Variants in ZBTB20 observed in about 807,000 individuals in gnomAD.
ZBTB20 encodes the protein zinc finger and BTB domain-containing protein 20.
A neutral mutation model predicts 56.9 loss-of-function variants in ZBTB20; 9 were observed. That is an observed-to-expected ratio of 0.16 (90% confidence interval 0.10 to 0.28). The LOEUF (loss-of-function observed/expected upper bound fraction) is 0.28, where lower values mean the gene tolerates loss of function less well. Among genes scored for constraint, ZBTB20 ranks in the 10% least tolerant of loss-of-function variants. The pLI, the probability that ZBTB20 is intolerant of heterozygous loss-of-function variation, is 1.00. For missense variants in ZBTB20, 655 were observed against 1,003.0 expected, an observed-to-expected ratio of 0.65 and a Z score of 4.69; for synonymous variants, 417 against 420.7, an observed-to-expected ratio of 0.99 and a Z score of 0.11.
At chr3:114,465,320 T>A (rs1400028212) in intron 7 of ZBTB20, among the ~76,000 whole-genome samples, 2 of 152,126 alleles carry the variant, frequency 1.3e-5, no homozygotes, top group African/African-American at 4.8e-5. Flanking sequence ...ACTGACACCA[T>A]TTTTCTGAAA....
At chr3:114,966,363 A>G (rs1480102618) in intron 3 of ZBTB20, among the ~76,000 whole-genome samples, 2 of 152,184 alleles carry the variant, frequency 1.3e-5, no homozygotes, top group African/African-American at 2.4e-5. Flanking sequence ...TAGCAAATTT[A>G]TCAGAAAGAT....
At chr3:114,928,961 C>A (rs184166160) in intron 3 of ZBTB20, among the ~76,000 whole-genome samples, 2 of 152,328 alleles carry the variant, frequency 1.3e-5, no homozygotes, top group East Asian at 3.9e-4. Context: ...TTAGTTGGTA[C>A]AAGGTGTACT....
chr3:114,620,161 G>A (rs2058220811), intron 6 of ZBTB20, among the ~76,000 whole-genome samples: 1 of 152,202 alleles, frequency 6.6e-6, no homozygotes, highest in Admixed American at 6.5e-5. Flanking sequence ...GCATTGTGGG[G>A]AACCTTAGCA....
intron 4 of ZBTB20, among the ~76,000 whole-genome samples, chr3:114,825,248 A>G (rs959181797): frequency 6.6e-6 from 1 of 151,962 alleles, no homozygotes; most frequent in Non-Finnish European, 1.5e-5. Context: ...TGCAATAAAG[A>G]AGGAGGCAGT....
intron 5 of ZBTB20, among the ~76,000 whole-genome samples, chr3:114,731,017 A>G (rs944860945): frequency 2.6e-5 from 4 of 152,192 alleles, no homozygotes; most frequent in African/African-American, 9.6e-5. Flanking sequence ...TGAACACAGA[A>G]GGCTGCTACA....
At chr3:114,809,074 TG>T (rs1445401678) in intron 4 of ZBTB20, among the ~76,000 whole-genome samples, 1 of 49,106 alleles carries the variant, frequency 2.0e-5, no homozygotes, top group African/African-American at 6.7e-5. Context: ...TTTTCCTGTA[TG>T]TAACAGTCTT....
intron 6 of ZBTB20, among the ~76,000 whole-genome samples, chr3:114,682,384 G>GA (rs1164600262): frequency 6.6e-6 from 1 of 152,016 alleles, no homozygotes; most frequent in Non-Finnish European, 1.5e-5. Context: ...TCTATACTAA[G>GA]AAAAAATAAA....
chr3:114,348,243 T>A (rs931045119), intron 11 of ZBTB20, among the ~76,000 whole-genome samples: 1 of 152,194 alleles, frequency 6.6e-6, no homozygotes, highest in African/African-American at 2.4e-5. Flanking sequence ...CAAAGTCAAC[T>A]TTGGTTAAGG....
intron 5 of ZBTB20, among the ~76,000 whole-genome samples, chr3:114,745,908 T>C (rs988661756): frequency 3.3e-5 from 5 of 152,182 alleles, no homozygotes; most frequent in Non-Finnish European, 7.4e-5. Context: ...TTAAGCTACA[T>C]TTCCATCTTC....
chr3:114,646,446 G>T (rs1285013347), intron 6 of ZBTB20, among the ~76,000 whole-genome samples: 2 of 152,194 alleles, frequency 1.3e-5, no homozygotes, highest in East Asian at 3.8e-4. Flanking sequence ...AAATGGAGCA[G>T]CAGTGAGTGA....
intron 2 of ZBTB20, among the ~76,000 whole-genome samples, chr3:115,045,059 C>T (rs1361130624): frequency 6.6e-6 from 1 of 152,162 alleles, no homozygotes; most frequent in Non-Finnish European, 1.5e-5. Context: ...ATAGGAAATA[C>T]AGCAGCAAAT....
At chr3:115,131,525 T>C (rs747670960) in intron 1 of ZBTB20, among the ~76,000 whole-genome samples, 2 of 152,178 alleles carry the variant, frequency 1.3e-5, no homozygotes, top group Non-Finnish European at 2.9e-5. Flanking sequence ...ATGGGATTAC[T>C]ATTTTCTGCA....
intron 6 of ZBTB20, among the ~76,000 whole-genome samples, chr3:114,576,956 G>T (rs562866480): frequency 2.0e-5 from 3 of 152,144 alleles, no homozygotes; most frequent in South Asian, 2.1e-4. Flanking sequence ...AATGTTAAAA[G>T]ATAACAAAAC....
chr3:114,717,119 G>A (rs760174083), intron 5 of ZBTB20, among the ~76,000 whole-genome samples: 1 of 152,080 alleles, frequency 6.6e-6, no homozygotes, highest in African/African-American at 2.4e-5. Flanking sequence ...CCCTTGCAGA[G>A]CCTTGGTTTC....
At chr3:114,492,584 G>A (rs1244336130) in intron 7 of ZBTB20, among the ~76,000 whole-genome samples, 1 of 152,024 alleles carries the variant, frequency 6.6e-6, no homozygotes, top group Non-Finnish European at 1.5e-5. Flanking sequence ...CAATACTCTA[G>A]TCTGCCTCTT....
chr3:114,652,093 T>C (rs2060165604), intron 6 of ZBTB20, among the ~76,000 whole-genome samples: 1 of 152,056 alleles, frequency 6.6e-6, no homozygotes, highest in Non-Finnish European at 1.5e-5. Context: ...AGTTTTGATT[T>C]TGATAAATTT....
chr3:114,894,620 G>A (rs1340775467), intron 4 of ZBTB20, among the ~76,000 whole-genome samples: 8 of 152,106 alleles, frequency 5.3e-5, no homozygotes, highest in Admixed American at 4.6e-4. Flanking sequence ...GAGAAATCTG[G>A]GGACAGAGAC....
chr3:115,064,384 T>C (rs1034431977), intron 2 of ZBTB20, among the ~76,000 whole-genome samples: 2 of 150,762 alleles, frequency 1.3e-5, no homozygotes, highest in African/African-American at 2.4e-5. Flanking sequence ...TCTACCCTTA[T>C]ACGTAATTGG....
At chr3:115,029,999 A>G (rs2080598934) in intron 2 of ZBTB20, among the ~76,000 whole-genome samples, 1 of 151,142 alleles carries the variant, frequency 6.6e-6, no homozygotes, top group African/African-American at 2.4e-5. Flanking sequence ...GCAACATATG[A>G]CAGAGTATCA....
Sources: gnomAD v4.1 joint callset for allele counts (sites outside exome capture counted in the v4.1 genomes callset) on GRCh38, gnomAD v4.1.1 for gene constraint, MANE v1.5 for transcripts, NCBI Gene and HGNC (gene_info 2026-07-23, HGNC 2026-07-21) for gene names.